FAM185A: variants seen among roughly 807,000 people sequenced by gnomAD.
FAM185A encodes the protein family with sequence similarity 185 member A, also known as protein FAM185A.
In FAM185A, 21 loss-of-function variants were observed where a neutral mutation model predicts 45.7. The ratio of observed to expected loss-of-function variants is 0.46; its 90% confidence interval spans 0.33 to 0.66. The LOEUF is 0.66. FAM185A is among the 30% of genes least tolerant of loss of function. The pLI, the probability that FAM185A is intolerant of heterozygous loss-of-function variation, is 0.03. For missense variants in FAM185A, 305 were observed against 485.4 expected (o/e 0.63, Z 3.49); for synonymous variants, 117 against 194.0 (o/e 0.60, Z 3.30).
At chr7:102,787,884 A>T (rs1193198870) in intron 7 of FAM185A, among the ~76,000 whole-genome samples, 2 of 152,222 alleles carry the variant, frequency 1.3e-5, no homozygotes, top group Non-Finnish European at 2.9e-5. Context: ...CAGTCCCACA[A>T]ATGTGAATCG....
At chr7:102,847,250 G>A in the FAM185A span, among the ~76,000 whole-genome samples, 1 of 151,896 alleles carries the variant, frequency 6.6e-6, no homozygotes, top group Admixed American at 6.6e-5. Context: ...GCAAGCTCCT[G>A]TCTGCTTCAC....
At chr7:102,839,605 G>A in the FAM185A span, among the ~76,000 whole-genome samples, 95 of 152,138 alleles carry the variant, frequency 6.2e-4, no homozygotes, top group Middle Eastern at 3.4e-3. Flanking sequence ...CTGCCACCAC[G>A]CCCAGCTAAT....
intron 3 of FAM185A, 37 bp downstream of exon 3, chr7:102,757,983 C>T (rs1202354852): frequency 6.5e-7 from 1 of 1,543,360 alleles, no homozygotes; most frequent in Non-Finnish European, 8.7e-7. Flanking sequence ...TTAGTAATTG[C>T]AACTTTGCTT....
At position 102,749,320 on chromosome 7, in the gene FAM185A, C is replaced by T. The variant is rs1562837292; in HGVS notation, c.113C>T (p.Pro38Leu). Reference protein sequence around the residue: ...RWACWACQARPYSSGGSERWP... With the variant: ...RWACWACQARLYSSGGSERWP... ...GCTTGCTGGGCTTGCCAAGCCAGGC[C>T]GTACAGCTCAGGTGGGAGCGAGCGC... The change falls in exon 1 of 8, where the codon CCG becomes CTG. Residue 38 changes from proline (P) to leucine (L), a missense_variant. Around this residue, in one of 5 missense-constraint regions of FAM185A, gnomAD observed 174 missense variants for 247.1 expected, o/e 0.70. Coordinates refer to ENST00000413034, the MANE Select transcript of FAM185A (RefSeq NM_001145268.2). 1 of 1,549,688 alleles carries T rather than the reference C, an allele frequency of 6.5e-7. No homozygotes were observed. Among genetic ancestry groups the T allele is most frequent in the Non-Finnish European group, 8.7e-7 (1 of 1,146,752 alleles).
chr7:102,839,688 C>T, the FAM185A span, among the ~76,000 whole-genome samples: 3 of 152,238 alleles, frequency 2.0e-5, no homozygotes, highest in East Asian at 1.9e-4. Context: ...CTCAGGGATC[C>T]GCCTGCCTCA....
chr7:102,787,894 G>A (rs898058913), intron 7 of FAM185A, among the ~76,000 whole-genome samples: 13 of 152,118 alleles, frequency 8.5e-5, no homozygotes, highest in Admixed American at 6.5e-5. Context: ...AATGTGAATC[G>A]TTTTTGTACA....
intron 7 of FAM185A, among the ~76,000 whole-genome samples, chr7:102,796,571 G>A (rs1349593199): frequency 6.6e-6 from 1 of 152,198 alleles, no homozygotes; most frequent in African/African-American, 2.4e-5. Context: ...GGACAGCTTG[G>A]TGATTAGAAG....
the FAM185A span, among the ~76,000 whole-genome samples, chr7:102,850,019 AAAAG>A: frequency 2.6e-5 from 4 of 152,144 alleles, no homozygotes; most frequent in African/African-American, 9.7e-5. Flanking sequence ...TTAGAAAAAA[AAAAG>A]AAAAATTTAT....
Position 102,749,604 on chromosome 7 carries a change from T to G in FAM185A, c.397T>G (p.Ser133Ala). ...GGATCTGGAGGAGATGGCCATTGTG[T>G]CTGATACTATCCACCCCCAGGCGTC... ...DEDLEEMAIV[S>A]DTIHPQASVE... Residue 133 changes from serine to alanine, a missense_variant, in exon 1 of 8, where the codon TCT (serine) becomes GCT (alanine). Physicochemically the swap from Ser to Ala is moderately conservative, Grantham distance 99. This residue lies in a region of FAM185A where 174 missense variants were observed against 247.1 expected (regional missense o/e 0.70). Coordinates refer to ENST00000413034, the MANE Select transcript of FAM185A (RefSeq NM_001145268.2). 1 of 1,520,584 alleles carries G rather than the reference T, an allele frequency of 6.6e-7. No homozygotes were observed. The highest frequency in any genetic ancestry group is 8.8e-7 in the Non-Finnish European group (1 of 1,132,594). 94.2% of individuals were successfully genotyped at this position (1,520,584 alleles called of 1,614,324 possible). A position where few individuals can be genotyped will look rare whatever the true frequency, so the allele number is the denominator to read the frequency against.
chr7:102,816,911 A>G, the FAM185A span, among the ~76,000 whole-genome samples: 1 of 152,216 alleles, frequency 6.6e-6, no homozygotes, highest in Non-Finnish European at 1.5e-5. Flanking sequence ...CTCCAGCCGC[A>G]TCCATGTTGC....
In FAM185A at chr7:102,749,439, C is replaced by T; in HGVS notation, c.232C>T (p.Arg78Trp). The change falls in exon 1 of 8, where the codon CGG becomes TGG. Residue 78 changes from arginine (R) to tryptophan (W), a missense_variant. Transcript: ENST00000413034. ...TLQVSPFGRL[R>W]ARLPCHLAVR... Reference sequence around the variant, plus strand: ...GCAGGTGAGCCCGTTTGGTCGGCTGCGGGCGCGGCTCCCGTGCCACCTGGC... The same window carrying T: ...GCAGGTGAGCCCGTTTGGTCGGCTGTGGGCGCGGCTCCCGTGCCACCTGGC... The T allele has an allele frequency of 1.3e-6, 2 of 1,547,896 alleles. No individual in the cohort carries two copies. Among genetic ancestry groups the T allele is most frequent in the Non-Finnish European group, 1.7e-6 (2 of 1,146,156 alleles).
At chr7:102,818,014 G>A in the FAM185A span, among the ~76,000 whole-genome samples, 1 of 152,290 alleles carries the variant, frequency 6.6e-6, no homozygotes, top group East Asian at 1.9e-4. Context: ...ACTGAAGTTT[G>A]TTAGTGATTT....
the FAM185A span, among the ~76,000 whole-genome samples, chr7:102,826,008 T>A: frequency 2.6e-4 from 40 of 152,358 alleles, no homozygotes; most frequent in Middle Eastern, 3.4e-3. Flanking sequence ...ATGGTAGCTA[T>A]AATTATGATT....
intron 7 of FAM185A, among the ~76,000 whole-genome samples, chr7:102,788,374 G>A (rs183404434): frequency 2.0e-5 from 3 of 152,218 alleles, no homozygotes; most frequent in Admixed American, 6.5e-5. Flanking sequence ...CCGTGTATAG[G>A]GATGAATGCT....
At chr7:102,766,950 A>T (rs1794444866) in intron 4 of FAM185A, among the ~76,000 whole-genome samples, 3 of 151,596 alleles carry the variant, frequency 2.0e-5, no homozygotes, top group Non-Finnish European at 2.9e-5. Context: ...GCCTGCTACC[A>T]CGCCTGGCTA....
chr7:102,837,189 C>A, the FAM185A span, among the ~76,000 whole-genome samples: 5 of 152,208 alleles, frequency 3.3e-5, no homozygotes, highest in African/African-American at 1.2e-4. Flanking sequence ...GGCATCAGAG[C>A]AAGTGGGACT....
intron 7 of FAM185A, among the ~76,000 whole-genome samples, chr7:102,802,917 T>C (rs1293472701): frequency 6.6e-6 from 1 of 152,018 alleles, no homozygotes; most frequent in East Asian, 1.9e-4. Flanking sequence ...TTTACGCATA[T>C]AAACTAGAAA....
chr7:102,787,773 T>C lies in FAM185A; in HGVS notation c.1066+304T>C, dbSNP rs1386776577. ...CTTAAAAATAAACTGAATACATATA[T>C]TATAATGCAAAATTTAAAACTAACT... On this transcript the variant is annotated intron_variant, in intron 7 of 7. Coordinates refer to ENST00000413034, the MANE Select transcript of FAM185A (RefSeq NM_001145268.2). Among the ~76,000 whole-genome samples the C allele has an allele frequency of 2.0e-5, 3 of 152,338 alleles. 1 individual carries two copies. Among genetic ancestry groups the C allele is most frequent in the Middle Eastern group, 6.8e-3 (2 of 294 alleles).
chr7:102,847,859 T>C, the FAM185A span, among the ~76,000 whole-genome samples: 1 of 152,172 alleles, frequency 6.6e-6, no homozygotes, highest in African/African-American at 2.4e-5. Context: ...CTGCTTTAAA[T>C]ACTGACCATC....
Sources: allele counts gnomAD v4.1 joint callset (sites outside exome capture counted in the v4.1 genomes callset), GRCh38; gene constraint gnomAD v4.1.1; regional missense constraint gnomAD v4.1.1; transcripts MANE v1.5; gene names NCBI Gene and HGNC (gene_info 2026-07-23, HGNC 2026-07-21).